The following SPINK13 variants were observed in gnomAD, a reference collection of about 807,000 sequenced individuals.
SPINK13 encodes the protein serine protease inhibitor Kazal-type 13.
SPINK13 carries 11 observed loss-of-function variants against 11.0 expected under a neutral mutation model. The observed-to-expected ratio is 1.00, with a 90% confidence interval of 0.63 to 1.65. The LOEUF (loss-of-function observed/expected upper bound fraction) is 1.65. SPINK13 is among the 40% of genes most tolerant of loss of function. SPINK13 has a pLI of 0.00. For synonymous variants in SPINK13, 31 were observed against 35.6 expected (o/e 0.87, Z 0.46); for missense variants, 113 against 117.7 (o/e 0.96, Z 0.19).
rs1581170376 is a variant in SPINK13 at position 148,286,212 on chromosome 5, A to C, written c.*164A>C. 5.2e-6 allele frequency: 2 copies of C among 387,206 alleles called. No homozygotes were observed. The highest frequency in any genetic ancestry group is 4.7e-6 in the Non-Finnish European group (1 of 213,288). The allele number at this position is 387,206 out of a possible 1,614,324, so 24.0% of individuals were successfully genotyped here. On this transcript the variant is annotated 3_prime_UTR_variant, in exon 5 of 5. Transcript: ENST00000398450. Reference sequence around the variant, plus strand: ...AAGGAATCAAACTGACAAGAACCAAATATCACATTTGTTACAAATAAACAA... The same window carrying C: ...AAGGAATCAAACTGACAAGAACCAACTATCACATTTGTTACAAATAAACAA...
intron 3 of SPINK13, among the ~76,000 whole-genome samples, chr5:148,278,662 C>T (rs1756468243): frequency 6.6e-6 from 1 of 152,158 alleles, no homozygotes; most frequent in Non-Finnish European, 1.5e-5. Context: ...CGTTCTTTTG[C>T]ATTTGCTGAG....
chr5:148,279,904 C>T (rs1235350957), intron 3 of SPINK13, among the ~76,000 whole-genome samples: 4 of 152,302 alleles, frequency 2.6e-5, no homozygotes, highest in South Asian at 4.1e-4. Flanking sequence ...TTCTCCCCAT[C>T]ACTTTCAAGT....
intron 3 of SPINK13, among the ~76,000 whole-genome samples, chr5:148,278,079 C>T (rs1255912599): frequency 1.3e-5 from 2 of 152,166 alleles, no homozygotes; most frequent in Non-Finnish European, 2.9e-5. Context: ...TTATAGTATT[C>T]TCTGATGGTA....
intron 3 of SPINK13, among the ~76,000 whole-genome samples, chr5:148,275,566 C>T (rs192892650): frequency 5.3e-5 from 8 of 152,262 alleles, no homozygotes; most frequent in Admixed American, 3.3e-4. Flanking sequence ...CCACATTGTC[C>T]TCCACAATGG....
intron 3 of SPINK13, 137 bp from the exon 4 acceptor site, chr5:148,281,967 A>G: frequency 8.0e-7 from 1 of 1,253,680 alleles, no homozygotes; most frequent in Middle Eastern, 2.0e-4. Context: ...ACAGAAGGCC[A>G]CAGAACAGTG....
chr5:148,285,693 T>G (rs1209936436), intron 4 of SPINK13, among the ~76,000 whole-genome samples: 1 of 152,042 alleles, frequency 6.6e-6, no homozygotes, highest in African/African-American at 2.4e-5. Flanking sequence ...ATCTTTTACC[T>G]CTTGGTAAAA....
At chr5:148,277,028 C>T (rs62387728) in intron 3 of SPINK13, among the ~76,000 whole-genome samples, 4,022 of 152,216 alleles carry the variant, frequency 0.026, 199 homozygotes, top group Admixed American at 0.12. Flanking sequence ...ATTTTATTCT[C>T]TTTTTAGCAA....
intron 3 of SPINK13, among the ~76,000 whole-genome samples, chr5:148,279,991 T>A (rs926400374): frequency 6.6e-6 from 1 of 152,190 alleles, no homozygotes; most frequent in Non-Finnish European, 1.5e-5. Context: ...CTTTTCATCC[T>A]TTTTTCTCTA....
At chr5:148,274,432 T>A (rs369109313) in intron 3 of SPINK13, 48 bp downstream of exon 3, 18 of 1,474,416 alleles carry the variant, frequency 1.2e-5, no homozygotes, top group Admixed American at 1.7e-5. Flanking sequence ...GTCTAATCAC[T>A]CTCCAGACAT....
At chr5:148,280,105 G>A (rs1048106837) in intron 3 of SPINK13, among the ~76,000 whole-genome samples, 6 of 152,020 alleles carry the variant, frequency 3.9e-5, no homozygotes, top group Non-Finnish European at 8.8e-5. Context: ...GCTTCATGAA[G>A]TTCTCATGCT....
chr5:148,286,013 C>T lies in SPINK13; in HGVS notation c.250C>T (p.Arg84Cys), dbSNP rs770774599. The T allele has an allele frequency of 6.1e-6, 9 of 1,463,806 alleles. No homozygotes were observed. The highest frequency in any genetic ancestry group is 4.8e-5 in the East Asian group (2 of 41,598). 90.7% of individuals were successfully genotyped at this position (1,463,806 alleles called of 1,614,324 possible). A position where few individuals can be genotyped will look rare whatever the true frequency, so the allele number is the denominator to read the frequency against. The change falls in exon 5 of 5, where the codon CGT becomes TGT. Residue 84 changes from arginine to cysteine, a missense_variant. Coordinates refer to ENST00000398450, the MANE Select transcript of SPINK13 (RefSeq NM_001040129.3). ...TCTTCTCTTTAGGGAATTTCATTAT[C>T]GTATAAAATTTGAAAAATATGGAAA... The part of the protein sequence containing the change: ...FCVEQREFHY[R>C]IKFEKYGKCD
Position 148,270,047 on chromosome 5 carries a change from C to T in SPINK13, c.-26C>T, listed in dbSNP as rs1287387688. The T allele has an allele frequency of 6.2e-7, 1 of 1,611,780 alleles. No individual in the cohort carries two copies. The highest frequency in any genetic ancestry group is 2.2e-5 in the East Asian group (1 of 44,838). ...TCTTGGGCATGTTCACAGGCCTTAT[C>T]AAAGAAGAGTCTTATATGAGATCAA... is the stretch of plus-strand genomic sequence containing the variant. On this transcript the variant is annotated 5_prime_UTR_variant, in exon 2 of 5. Transcript: ENST00000398450.
chr5:148,278,372 T>C (rs571549262), intron 3 of SPINK13, among the ~76,000 whole-genome samples: 1 of 152,222 alleles, frequency 6.6e-6, no homozygotes, highest in African/African-American at 2.4e-5. Context: ...AAGGTGTCGA[T>C]TTTAGATCTT....
At chr5:148,283,127 C>T (rs1756542345) in intron 4 of SPINK13, among the ~76,000 whole-genome samples, 1 of 152,074 alleles carries the variant, frequency 6.6e-6, no homozygotes, top group African/African-American at 2.4e-5. Flanking sequence ...CTTAATTCTC[C>T]CTGCTACCAT....
chr5:148,275,097 CT>C (rs1374516962), intron 3 of SPINK13, among the ~76,000 whole-genome samples: 1 of 152,124 alleles, frequency 6.6e-6, no homozygotes, highest in Non-Finnish European at 1.5e-5. Flanking sequence ...AACCTGTCAT[CT>C]ACATTAGGTA....
chr5:148,274,562 A>T (rs1485375077), intron 3 of SPINK13, among the ~76,000 whole-genome samples, 178 bp downstream of exon 3: 1 of 152,174 alleles, frequency 6.6e-6, no homozygotes, highest in Non-Finnish European at 1.5e-5. Context: ...GGCCTGAGCA[A>T]CATAGGAAGA....
intron 3 of SPINK13, among the ~76,000 whole-genome samples, chr5:148,279,981 C>T (rs1397858911): frequency 1.3e-5 from 2 of 152,096 alleles, no homozygotes; most frequent in African/African-American, 4.8e-5. Context: ...TTGTTCATTC[C>T]TTTTCATCCT....
intron 4 of SPINK13, among the ~76,000 whole-genome samples, chr5:148,284,209 T>G (rs1756559548): frequency 6.7e-6 from 1 of 149,746 alleles, no homozygotes; most frequent in African/African-American, 2.4e-5. Flanking sequence ...CCTTCCTTCC[T>G]TCCATTTTTC....
chr5:148,284,177 C>T (rs1323535386), intron 4 of SPINK13, among the ~76,000 whole-genome samples: 1 of 148,252 alleles, frequency 6.7e-6, no homozygotes. Flanking sequence ...CTTCTTTCCT[C>T]CCTCCCTCCT....
Sources: allele counts gnomAD v4.1 joint callset (sites outside exome capture counted in the v4.1 genomes callset), GRCh38; gene constraint gnomAD v4.1.1; transcripts MANE v1.5; gene names NCBI Gene and HGNC (gene_info 2026-07-23, HGNC 2026-07-21).